The following UBR4 variants were observed in gnomAD, a reference collection of about 807,000 sequenced individuals.
The protein encoded by UBR4 is ubiquitin protein ligase E3 component n-recognin 4.
Under a neutral mutation model 575.6 loss-of-function variants are expected in UBR4, and 124 were observed. That is an observed-to-expected ratio of 0.22 (90% CI 0.19 to 0.25). The LOEUF (loss-of-function observed/expected upper bound fraction) is 0.25. Ranked by LOEUF, UBR4 falls within the 10% of genes least tolerant of loss-of-function variation. The pLI is 1.00. For missense variants in UBR4, 4,818 were observed against 6,478.8 expected, an observed-to-expected ratio of 0.74 and a Z score of 8.80; for synonymous variants, 2,455 against 2,473.7, an observed-to-expected ratio of 0.99 and a Z score of 0.22.
rs142436699 is a variant in UBR4, at chr1:19,094,848, G to A, written c.13746+58C>T. The A allele has an allele frequency of 3.1e-4, 497 of 1,597,650 alleles. 3 individuals carry two copies. In the African/African-American group the frequency reaches 6.2e-3, roughly 20 times the overall value. On this transcript the variant is annotated intron_variant, in intron 94 of 105. Transcript: ENST00000375254. ...CCAGACACAAACAGGCCTGTTGTGG[G>A]CAATGAGACAGTGCAGGCTCTCAGT...
At chr1:19,147,147 T>G in intron 51 of UBR4, 147 bp from the exon 52 acceptor site, 2 of 740,080 alleles carry the variant, frequency 2.7e-6, no homozygotes, top group Non-Finnish European at 4.0e-6. Context: ...ACAACAGATC[T>G]TCAAAGCAGC....
rs201211840 is a variant in UBR4 at position 19,096,649 on chromosome 1, A to G, written c.13392T>C (p.Asp4464=). The G allele has an allele frequency of 6.2e-7, 1 of 1,613,480 alleles. No individual in the cohort carries two copies. The highest frequency in any genetic ancestry group is 2.2e-5 in the East Asian group (1 of 44,850). The change falls in exon 92 of 106, where the codon GAT becomes GAC. Residue 4464 remains aspartate (D), a splice_region_variant and synonymous_variant. Coordinates refer to ENST00000375254, the MANE Select transcript of UBR4 (RefSeq NM_020765.3). Reference sequence around the variant, plus strand: ...ACACTTCTTCTTCATCTTCTTCTTCATCTAGGGGAGAAGGGAAGCCAAGCA... The same window carrying G: ...ACACTTCTTCTTCATCTTCTTCTTCGTCTAGGGGAGAAGGGAAGCCAAGCA... ...EFIESLDSTT[D]EEEDEEEVYK...
rs1182510702 is a variant in UBR4, at chr1:19,197,824, A to T, written c.752-13T>A. 1.2e-6 allele frequency: 2 copies of T among 1,613,898 alleles called. No individual in the cohort carries two copies. The highest frequency in any genetic ancestry group is 2.7e-5 in the African/African-American group (2 of 74,920). ...TTCTCCGAGCCACCTAAATGAATGA[A>T]AACCACAACCTTACAAACAGGCCTT... On this transcript the variant is annotated splice_polypyrimidine_tract_variant and intron_variant, in intron 6 of 105. Transcript: ENST00000375254.
chr1:19,152,762 G>A lies in UBR4; in HGVS notation c.6833-286C>T, dbSNP rs2085914715. Among the ~76,000 whole-genome samples, 1 of 152,172 alleles carries A rather than the reference G, an allele frequency of 6.6e-6. No individual in the cohort carries two copies. The highest frequency in any genetic ancestry group is 2.4e-5 in the African/African-American group (1 of 41,428). On this transcript the variant is annotated intron_variant, in intron 46 of 105. Coordinates refer to ENST00000375254, the MANE Select transcript of UBR4 (RefSeq NM_020765.3). The surrounding 1 kb of genome is among the most constrained non-coding windows in gnomAD (Gnocchi z 4.4). ...CTGGGTTATTTAAAATAAACAATAG[G>A]AGCTACTTCTTTAATGAATGTAAAT... is the stretch of plus-strand genomic sequence containing the variant.
chr1:19,113,437 TA>T (rs547194415), intron 77 of UBR4: 73 of 503,730 alleles, frequency 1.4e-4, no homozygotes, highest in South Asian at 8.7e-4. Flanking sequence ...TGTTAATGGC[TA>T]AAAAAAACCC....
chr1:19,086,389 C>T, intron 100 of UBR4, 119 bp from the exon 101 acceptor site: 1 of 1,349,542 alleles, frequency 7.4e-7, no homozygotes, highest in South Asian at 1.5e-5. Flanking sequence ...TCAGTCGGCC[C>T]AGGCTCCTGA....
At chr1:19,120,485 A>G in intron 68 of UBR4, 137 bp from the exon 69 acceptor site, 1 of 1,139,470 alleles carries the variant, frequency 8.8e-7, no homozygotes, top group Non-Finnish European at 1.2e-6. Context: ...ATATTCTGCA[A>G]AACAATTTTT....
chr1:19,164,110 C>T (rs2087877514), intron 33 of UBR4, 143 bp downstream of exon 33: 2 of 910,506 alleles, frequency 2.2e-6, no homozygotes, highest in African/African-American at 3.4e-5. Context: ...GTGAACAGAG[C>T]TATTTGCTAC....
chr1:19,206,970 T>C (rs1243470420), intron 1 of UBR4, among the ~76,000 whole-genome samples: 2 of 152,142 alleles, frequency 1.3e-5, no homozygotes, highest in African/African-American at 4.8e-5. Flanking sequence ...TCATTCTCAA[T>C]GGTCAAGAGA....
chr1:19,168,664 G>A (rs2088925249), intron 27 of UBR4, among the ~76,000 whole-genome samples: 1 of 152,154 alleles, frequency 6.6e-6, no homozygotes, highest in Non-Finnish European at 1.5e-5. Context: ...TATACAAAGA[G>A]TAAGTTAACT....
Position 19,153,587 on chromosome 1 carries a change from G to C in UBR4, c.6631-85C>G. On this transcript the variant is annotated intron_variant, in intron 45 of 105. Transcript: ENST00000375254. This position sits in a 1 kb window ranked among gnomAD's most constrained non-coding sequence, Gnocchi z 4.1. ...AGAAAAAGAGGCAGAGATGCAACTG[G>C]TTTCATGGTCAGTTGAGGGGCTGTA... 1 of 1,548,564 alleles carries C rather than the reference G, an allele frequency of 6.5e-7. No individual in the cohort carries two copies. Among genetic ancestry groups the C allele is most frequent in the Non-Finnish European group, 8.9e-7 (1 of 1,128,132 alleles).
In UBR4 at chr1:19,110,655, C is replaced by T; in HGVS notation, c.11892+87G>A. ...GTTCTGCTCCTTCCCTCCTCAGTCA[C>T]CGCAGGACCTGGGAGGGGAAGCTGA... On this transcript the variant is annotated intron_variant, in intron 79 of 105. Coordinates refer to ENST00000375254, the MANE Select transcript of UBR4 (RefSeq NM_020765.3). This position sits in a 1 kb window ranked among gnomAD's most constrained non-coding sequence, Gnocchi z 4.5. The T allele has an allele frequency of 6.7e-7, 1 of 1,481,846 alleles. No individual in the cohort carries two copies. Among genetic ancestry groups the T allele is most frequent in the Non-Finnish European group, 9.4e-7 (1 of 1,061,514 alleles). 91.8% of individuals were successfully genotyped at this position (1,481,846 alleles called of 1,614,324 possible).
chr1:19,188,067 TAAAA>T (rs1354512901), intron 11 of UBR4, among the ~76,000 whole-genome samples: 4 of 150,280 alleles, frequency 2.7e-5, no homozygotes, highest in African/African-American at 9.8e-5. Flanking sequence ...AATAAATAAA[TAAAA>T]CCTCCTGGAA....
In UBR4 at chr1:19,092,893, A is replaced by T; in HGVS notation, c.14137T>A (p.Phe4713Ile). 1 of 1,613,512 alleles carries T rather than the reference A, an allele frequency of 6.2e-7. No individual in the cohort carries two copies. Among genetic ancestry groups the T allele is most frequent in the Non-Finnish European group, 8.5e-7 (1 of 1,179,862 alleles). ...AATGGCAAGGCTGGGCGAGACAAAA[A>T]CTTTTTCCAGATGTCGGCATCCAAA... is the stretch of plus-strand genomic sequence containing the variant. ...KNLDADIWKKFLSRPALPFIL... is the reference protein window; with the variant it reads ...KNLDADIWKKILSRPALPFIL... The change falls in exon 97 of 106, where the codon TTT becomes ATT. Residue 4713 changes from phenylalanine (F) to isoleucine (I), a missense_variant. Coordinates refer to ENST00000375254, the MANE Select transcript of UBR4 (RefSeq NM_020765.3).
intron 1 of UBR4, among the ~76,000 whole-genome samples, chr1:19,203,253 C>T (rs568994845): frequency 6.6e-6 from 1 of 152,074 alleles, no homozygotes; most frequent in Non-Finnish European, 1.5e-5. Flanking sequence ...GTAATCCCAG[C>T]AGTTTGGGAG....
chr1:19,079,670 G>A (rs2076292640), intron 103 of UBR4: 1 of 152,476 alleles, frequency 6.6e-6, no homozygotes, highest in South Asian at 2.1e-4. Context: ...GCATCAGGAT[G>A]ATATCTCTAC....
chr1:19,110,584 C>A lies in UBR4; in HGVS notation c.11893-120G>T. 7.5e-7 allele frequency: 1 copy of A among 1,331,360 alleles called. No individual in the cohort carries two copies. The highest frequency in any genetic ancestry group is 1.1e-6 in the Non-Finnish European group (1 of 936,216). The allele number at this position is 1,331,360 out of a possible 1,614,324, so 82.5% of individuals were successfully genotyped here. A position where few individuals can be genotyped will look rare whatever the true frequency, so the allele number is the denominator to read the frequency against. On this transcript the variant is annotated intron_variant, in intron 79 of 105. Coordinates refer to ENST00000375254, the MANE Select transcript of UBR4 (RefSeq NM_020765.3). The surrounding 1 kb of genome is among the most constrained non-coding windows in gnomAD (Gnocchi z 4.5). The stretch of plus-strand genomic sequence containing the variant: ...AACAGAGACAAAGGACAGACGGAGA[C>A]CCTTGTGCTCCAGGCTCTTCCCTGG...
At chr1:19,102,800 C>T (rs1035605672) in intron 87 of UBR4, among the ~76,000 whole-genome samples, 1 of 152,294 alleles carries the variant, frequency 6.6e-6, no homozygotes, top group South Asian at 2.1e-4. Flanking sequence ...AAATCTAGTA[C>T]CCCAAAGAGC....
chr1:19,172,552 C>T lies in UBR4; in HGVS notation c.3521+312G>A, dbSNP rs1355624767. Among the ~76,000 whole-genome samples, 3 of 152,080 alleles carry T rather than the reference C, an allele frequency of 2.0e-5. No individual in the cohort carries two copies. The East Asian group carries it at 5.8e-4, about 29-fold the overall frequency. ...TTTTTTAATAATAATAAATAAAGAGCATTTAAGGAGCTTTAACTCAGTTAA... is the reference window on the plus strand; with the variant it reads ...TTTTTTAATAATAATAAATAAAGAGTATTTAAGGAGCTTTAACTCAGTTAA... On this transcript the variant is annotated intron_variant, in intron 25 of 105. Transcript: ENST00000375254.
Sources: gnomAD v4.1 joint callset for allele counts (sites outside exome capture counted in the v4.1 genomes callset) on GRCh38, gnomAD v4.1.1 for gene constraint, Gnocchi (gnomAD v3.1) non-coding constraint, MANE v1.5 for transcripts, NCBI Gene and HGNC (gene_info 2026-07-23, HGNC 2026-07-21) for gene names.